The following ZMAT5 variants were observed in gnomAD, a reference collection of about 807,000 sequenced individuals.
ZMAT5 encodes the protein zinc finger matrin-type protein 5.
Under a neutral mutation model 28.0 loss-of-function variants are expected in ZMAT5, and 23 were observed. The ratio of observed to expected loss-of-function variants is 0.82; its 90% CI spans 0.59 to 1.16. The LOEUF is 1.16. Ranked by LOEUF, ZMAT5 falls within the 50% of genes most tolerant of loss-of-function variation. ZMAT5 has a pLI of 0.00. For synonymous variants in ZMAT5, 76 were observed against 84.1 expected (o/e 0.90, Z 0.52); for missense variants, 173 against 212.7 (o/e 0.81, Z 1.16).
rs541052970 is a variant in ZMAT5 at position 29,763,534 on chromosome 22, G to A, written c.-28+3338C>T. Among the ~76,000 whole-genome samples, 155 of 146,274 alleles carry A rather than the reference G, an allele frequency of 1.1e-3. 1 individual carries two copies. The highest frequency in any genetic ancestry group is 4.0e-3 in the Middle Eastern group (1 of 250). On this transcript the variant is annotated intron_variant, in intron 1 of 5. Transcript: ENST00000344318. Reference sequence around the variant, plus strand: ...GGAGAATTACTTGAACCCAGGAGGCGGAGGTTGCAGTGAGCCGAGATGGTG... The same window carrying A: ...GGAGAATTACTTGAACCCAGGAGGCAGAGGTTGCAGTGAGCCGAGATGGTG...
chr22:29,751,054 A>G (rs1337326184), intron 1 of ZMAT5, among the ~76,000 whole-genome samples: 1 of 152,210 alleles, frequency 6.6e-6, no homozygotes, highest in African/African-American at 2.4e-5. Context: ...TCTTGTCAAT[A>G]AACTTATAGG....
intron 5 of ZMAT5, 135 bp downstream of exon 5, chr22:29,738,195 A>T (rs1033213228): frequency 8.5e-5 from 66 of 776,288 alleles, no homozygotes; most frequent in Non-Finnish European, 1.1e-4. Flanking sequence ...CTCCTCGGGG[A>T]GCTATGTGTA....
intron 3 of ZMAT5, among the ~76,000 whole-genome samples, 182 bp from the exon 4 acceptor site, chr22:29,740,912 C>T (rs1401873547): frequency 6.6e-6 from 1 of 152,186 alleles, no homozygotes; most frequent in Non-Finnish European, 1.5e-5. Context: ...GCCAGAGCGA[C>T]TTCTCACCTA....
chr22:29,737,032 A>AGAAAG, intron 5 of ZMAT5, among the ~76,000 whole-genome samples: 1 of 151,148 alleles, frequency 6.6e-6, no homozygotes, highest in African/African-American at 2.4e-5. Context: ...TCTCAAAAAA[A>AGAAAG]AAAAAAAAAG....
intron 1 of ZMAT5, among the ~76,000 whole-genome samples, chr22:29,763,016 T>C (rs1429698066): frequency 6.6e-6 from 1 of 151,870 alleles, no homozygotes; most frequent in African/African-American, 2.4e-5. Flanking sequence ...CAAGACCCTC[T>C]CTCTACAAAA....
At chr22:29,732,526 A>AG (rs2067859108) in intron 5 of ZMAT5, among the ~76,000 whole-genome samples, 1 of 152,096 alleles carries the variant, frequency 6.6e-6, no homozygotes, top group Admixed American at 6.5e-5. Flanking sequence ...TCACGAGATC[A>AG]GGAGATCGAG....
At chr22:29,759,461 T>C (rs1013155554) in intron 1 of ZMAT5, among the ~76,000 whole-genome samples, 1 of 152,150 alleles carries the variant, frequency 6.6e-6, no homozygotes, top group Admixed American at 6.6e-5. Context: ...GGCTTCCAAG[T>C]GAGAAACTTA....
intron 1 of ZMAT5, among the ~76,000 whole-genome samples, chr22:29,766,300 T>C (rs575841932): frequency 6.6e-6 from 1 of 152,300 alleles, no homozygotes; most frequent in Admixed American, 6.5e-5. Context: ...CACCAACGTT[T>C]TCCTGTTCAA....
intron 1 of ZMAT5, among the ~76,000 whole-genome samples, chr22:29,754,791 T>C (rs1283848955): frequency 6.6e-6 from 1 of 152,094 alleles, no homozygotes; most frequent in Non-Finnish European, 1.5e-5. Context: ...GGAGGATAGC[T>C]TGAGCCCAAG....
At chr22:29,739,436 T>G (rs1281436209) in intron 4 of ZMAT5, among the ~76,000 whole-genome samples, 1 of 152,084 alleles carries the variant, frequency 6.6e-6, no homozygotes, top group African/African-American at 2.4e-5. Flanking sequence ...GGAGCTCACT[T>G]GGGGCCGGGC....
At chr22:29,750,618 G>A (rs927186626) in intron 1 of ZMAT5, among the ~76,000 whole-genome samples, 1 of 152,226 alleles carries the variant, frequency 6.6e-6, no homozygotes, top group Non-Finnish European at 1.5e-5. Flanking sequence ...TGCCAAGGCT[G>A]AGCCCAGACC....
At chr22:29,733,322 G>A (rs1379736795) in intron 5 of ZMAT5, among the ~76,000 whole-genome samples, 1 of 152,190 alleles carries the variant, frequency 6.6e-6, no homozygotes, top group Non-Finnish European at 1.5e-5. Context: ...GAGGGGTTTG[G>A]AGAGGCCTCT....
At chr22:29,755,710 C>T (rs946394163) in intron 1 of ZMAT5, among the ~76,000 whole-genome samples, 3 of 148,856 alleles carry the variant, frequency 2.0e-5, no homozygotes, top group Admixed American at 1.4e-4. Context: ...ATAACCATAA[C>T]AATTACTGTT....
At chr22:29,747,625 C>G (rs902468893) in intron 2 of ZMAT5, 3 of 152,852 alleles carry the variant, frequency 2.0e-5, no homozygotes, top group African/African-American at 7.2e-5. Context: ...CCCTCTGGAA[C>G]CTCCCTGGCT....
chr22:29,766,382 C>T (rs1446386100), intron 1 of ZMAT5, among the ~76,000 whole-genome samples: 3 of 152,332 alleles, frequency 2.0e-5, no homozygotes, highest in African/African-American at 7.2e-5. Flanking sequence ...AATGTCACCA[C>T]CACTGCCTCT....
intron 4 of ZMAT5, among the ~76,000 whole-genome samples, chr22:29,738,926 G>A (rs12483807): frequency 0.13 from 19,556 of 151,892 alleles, 1,443 homozygotes; most frequent in South Asian, 0.24. Context: ...CAGGAGAATC[G>A]CTTGAACCTA....
At chr22:29,741,125 T>C (rs1271094475) in intron 3 of ZMAT5, among the ~76,000 whole-genome samples, 1 of 152,218 alleles carries the variant, frequency 6.6e-6, no homozygotes, top group Non-Finnish European at 1.5e-5. Flanking sequence ...GCACGTGCTA[T>C]GCCCAGCCTA....
rs116605535 is a variant in ZMAT5, at chr22:29,752,927, G to A, written c.-27-4356C>T. Among the ~76,000 whole-genome samples the A allele has an allele frequency of 9.7e-3, 1,475 of 152,238 alleles. 21 individuals carry two copies. The highest frequency in any genetic ancestry group is 0.033 in the African/African-American group (1,379 of 41,538). On this transcript the variant is annotated intron_variant, in intron 1 of 5. Coordinates refer to ENST00000344318, the MANE Select transcript of ZMAT5 (RefSeq NM_001003692.2). ...ACGGGCAGCACAGTCCCTCTGGGAC[G>A]GGAAAGCATGCTCACTGAGCACCAC...
chr22:29,742,812 AG>A (rs2067975393), intron 2 of ZMAT5, among the ~76,000 whole-genome samples: 1 of 152,122 alleles, frequency 6.6e-6, no homozygotes, highest in Non-Finnish European at 1.5e-5. Context: ...TTTTAGAGAC[AG>A]GGTCTCGCTC....
Sources: allele counts gnomAD v4.1 joint callset (sites outside exome capture counted in the v4.1 genomes callset), GRCh38; gene constraint gnomAD v4.1.1; transcripts MANE v1.5; gene names NCBI Gene and HGNC (gene_info 2026-07-23, HGNC 2026-07-21).